The following PCDHGA7 variants were observed in gnomAD, a reference collection of about 807,000 sequenced individuals.
PCDHGA7 encodes the protein protocadherin gamma subfamily A, 7.
In PCDHGA7, 44 loss-of-function variants were observed where a neutral mutation model predicts 58.3. The observed-to-expected ratio is 0.75, with a 90% CI of 0.59 to 0.97. The LOEUF (loss-of-function observed/expected upper bound fraction) is 0.97, where lower values mean the gene tolerates loss of function less well. PCDHGA7 is among the 50% of genes least tolerant of loss of function. The pLI, the probability that PCDHGA7 is intolerant of heterozygous loss-of-function variation, is 0.00. For synonymous variants in PCDHGA7, 516 were observed against 504.2 expected (o/e 1.02, Z -0.31); for missense variants, 1,266 against 1,188.7 (o/e 1.06, Z -0.96).
intron 1 of PCDHGA7, chr5:141,426,294 CAG>C (rs555591649): frequency 1.2e-4 from 20 of 167,070 alleles, no homozygotes; most frequent in African/African-American, 4.5e-4. Context: ...GGATGGGAAA[CAG>C]GGTGAAGCAG....
Position 141,431,046 on chromosome 5 carries a change from G to A in PCDHGA7, c.2424+45723G>A, listed in dbSNP as rs1324139757. 7 of 1,614,240 alleles carry A rather than the reference G, an allele frequency of 4.3e-6. 1 individual carries two copies. The Admixed American group carries it at 1.0e-4, about 23-fold the overall frequency. ...GGCAGGATAGACCGGGAGGAGCTCTGTATGGGGGCCATCAAGTGTCAATTA... is the reference window on the plus strand; with the variant it reads ...GGCAGGATAGACCGGGAGGAGCTCTATATGGGGGCCATCAAGTGTCAATTA... On this transcript the variant is annotated intron_variant, in intron 1 of 3. Transcript: ENST00000518325. The surrounding 1 kb of genome is among the most constrained non-coding windows in gnomAD (Gnocchi z 4.8).
rs529934949 is a variant in PCDHGA7 at position 141,383,902 on chromosome 5, A to C, written c.1003A>C (p.Ile335Leu). ...PGSLTKAKVL[I>L]TVLDVNDNAP... ...TAGTCTGACAAAGGCAAAAGTACTG[A>C]TCACAGTTTTAGATGTAAATGATAA... Residue 335 changes from isoleucine to leucine, a missense_variant, in exon 1 of 4, where the codon ATC (isoleucine) becomes CTC (leucine). Physicochemically the swap from Ile to Leu is conservative, Grantham distance 5. Coordinates refer to ENST00000518325, the MANE Select transcript of PCDHGA7 (RefSeq NM_018920.4). The C allele has an allele frequency of 4.8e-5, 77 of 1,613,976 alleles. 1 individual carries two copies. The South Asian group carries it at 7.9e-4, about 17-fold the overall frequency.
intron 1 of PCDHGA7, chr5:141,404,403 A>C (rs767148207): frequency 6.2e-7 from 1 of 1,613,896 alleles, no homozygotes; most frequent in Admixed American, 1.7e-5. Context: ...AGCAATGAGA[A>C]TTCTAGAGTT....
chr5:141,436,700 C>T (rs2097841356), intron 1 of PCDHGA7, among the ~76,000 whole-genome samples: 1 of 152,166 alleles, frequency 6.6e-6, no homozygotes, highest in Non-Finnish European at 1.5e-5. Flanking sequence ...AATGCCAGCA[C>T]ACTCGATGTT....
rs1215626157 is a variant in PCDHGA7, at chr5:141,487,804, GT to G, written c.2425-7000del. ...TCGTGAATTAACCAGAGTTGTCACAGTTTAGCATTGGGGGCGGGTCATGCCT... is the reference window on the plus strand; with the variant it reads ...TCGTGAATTAACCAGAGTTGTCACAGTTAGCATTGGGGGCGGGTCATGCCT... On this transcript the variant is annotated intron_variant, in intron 1 of 3. Transcript: ENST00000518325. The surrounding 1 kb of genome is among the most constrained non-coding windows in gnomAD (Gnocchi z 5.0). 15 of 1,451,846 alleles carry G rather than the reference GT, an allele frequency of 1.0e-5. No homozygotes were observed. The highest frequency in any genetic ancestry group is 1.3e-5 in the Non-Finnish European group (14 of 1,072,382). 89.9% of individuals were successfully genotyped at this position (1,451,846 alleles called of 1,614,324 possible).
chr5:141,414,867 C>T (rs2095797355), intron 1 of PCDHGA7: 9 of 1,614,230 alleles, frequency 5.6e-6, no homozygotes, highest in South Asian at 1.1e-5. Flanking sequence ...ACAATGCGCC[C>T]GAGATCCTGT....
chr5:141,428,891 G>A (rs1382228334), intron 1 of PCDHGA7: 3 of 149,832 alleles, frequency 2.0e-5, no homozygotes, highest in East Asian at 3.9e-4. Flanking sequence ...GTCTCGCTCT[G>A]TGGTCCAGGC....
At chr5:141,507,171 C>T (rs183042063) in intron 3 of PCDHGA7, 3 of 152,462 alleles carry the variant, frequency 2.0e-5, no homozygotes, top group South Asian at 2.1e-4. Context: ...AGGCTGTCCT[C>T]TTCCTCGAGC....
intron 1 of PCDHGA7, chr5:141,413,604 C>T: frequency 5.6e-6 from 9 of 1,613,818 alleles, no homozygotes; most frequent in Non-Finnish European, 7.6e-6. Flanking sequence ...AAAATCTAGA[C>T]GTAAAAATTA....
intron 1 of PCDHGA7, chr5:141,410,849 CTTTTTT>C (rs759346998): frequency 3.0e-4 from 42 of 138,124 alleles, no homozygotes; most frequent in Middle Eastern, 4.3e-3. Context: ...TTGTCTTTGT[CTTTTTT>C]TTTTTTTTTT....
chr5:141,418,938 C>A, intron 1 of PCDHGA7: 3 of 1,613,738 alleles, frequency 1.9e-6, no homozygotes, highest in Non-Finnish European at 2.5e-6. Flanking sequence ...ATGGAGGATT[C>A]CCCTCCAGGA....
intron 2 of PCDHGA7, among the ~76,000 whole-genome samples, chr5:141,502,002 C>T (rs1434269040): frequency 1.3e-5 from 2 of 152,164 alleles, no homozygotes; most frequent in South Asian, 2.1e-4. Context: ...CCTGACAACC[C>T]GCATGCTCTC....
At chr5:141,400,233 C>A (rs373858401) in intron 1 of PCDHGA7, 2 of 1,613,988 alleles carry the variant, frequency 1.2e-6, no homozygotes, top group African/African-American at 1.3e-5. Flanking sequence ...TCCTCCTGGC[C>A]GTGATTCTGG....
intron 1 of PCDHGA7, among the ~76,000 whole-genome samples, chr5:141,454,831 A>C (rs1489772379): frequency 1.3e-5 from 1 of 78,366 alleles, no homozygotes; most frequent in African/African-American, 6.7e-5. Context: ...TTTTTGAGAC[A>C]GAGTCGCGCT....
At position 141,476,666 on chromosome 5, in the gene PCDHGA7, G is replaced by A. The variant is rs2099395856; in HGVS notation, c.2425-18141G>A. On this transcript the variant is annotated intron_variant, in intron 1 of 3. Coordinates refer to ENST00000518325, the MANE Select transcript of PCDHGA7 (RefSeq NM_018920.4). The surrounding 1 kb of genome is among the most constrained non-coding windows in gnomAD (Gnocchi z 7.6). The stretch of plus-strand genomic sequence containing the variant: ...CCGAAATGAATACTTTGCGCTTCGC[G>A]TGCAGACGCGGGAGGACAGCACCAA... 6.2e-7 allele frequency: 1 copy of A among 1,614,128 alleles called. No individual in the cohort carries two copies.
chr5:141,413,865 C>A, intron 1 of PCDHGA7: 2 of 1,613,388 alleles, frequency 1.2e-6, no homozygotes, highest in Non-Finnish European at 1.7e-6. Context: ...CTGGCACTGT[C>A]CTTGTCAGTG....
intron 3 of PCDHGA7, among the ~76,000 whole-genome samples, chr5:141,507,861 C>T (rs538942097): frequency 7.0e-4 from 106 of 152,306 alleles, no homozygotes; most frequent in African/African-American, 2.5e-3. Flanking sequence ...CTTTCACACC[C>T]GCTTCCTAGC....
At chr5:141,389,413 G>A in intron 1 of PCDHGA7, 1 of 1,613,608 alleles carries the variant, frequency 6.2e-7, no homozygotes, top group South Asian at 1.1e-5. Flanking sequence ...GCGGAGAGCG[G>A]GGTGGTGTTC....
chr5:141,383,253 T>C lies in PCDHGA7; in HGVS notation c.354T>C (p.Pro118=), dbSNP rs563605516. The part of the protein sequence containing the change: ...ILMEDKMNLY[P]IDVEIIDIND... ...TGGAAGATAAAATGAATCTTTACCC[T>C]ATAGACGTGGAAATAATAGATATTA... The change falls in exon 1 of 4, where the codon CCT becomes CCC. Residue 118 remains proline (P), a synonymous_variant. Coordinates refer to ENST00000518325, the MANE Select transcript of PCDHGA7 (RefSeq NM_018920.4). 2.5e-6 allele frequency: 4 copies of C among 1,613,928 alleles called. No homozygotes were observed. Among genetic ancestry groups the C allele is most frequent in the Middle Eastern group, 1.6e-4 (1 of 6,062 alleles).
Sources: gnomAD v4.1 joint callset for allele counts (sites outside exome capture counted in the v4.1 genomes callset) on GRCh38, gnomAD v4.1.1 for gene constraint, Gnocchi (gnomAD v3.1) non-coding constraint, MANE v1.5 for transcripts, NCBI Gene and HGNC (gene_info 2026-07-23, HGNC 2026-07-21) for gene names.